Variants in TLL2 observed in about 807,000 individuals in gnomAD.
The protein encoded by TLL2 is tolloid like 2, also known as tolloid-like protein 2.
In TLL2, 106 loss-of-function variants were observed where a neutral mutation model predicts 123.0. The observed-to-expected ratio is 0.86, with a 90% CI of 0.74 to 1.01. The LOEUF is 1.01. Among genes scored for constraint, TLL2 ranks in the 50% least tolerant of loss-of-function variants. The probability of loss-of-function intolerance (pLI) is 0.00; values close to 1 mark genes in which losing one functional copy is unlikely to be tolerated. For missense variants in TLL2, 1,332 were observed against 1,336.7 expected, an observed-to-expected ratio of 1.00 and a Z score of 0.06; for synonymous variants, 494 against 516.8, an observed-to-expected ratio of 0.96 and a Z score of 0.60.
chr10:96,450,345 A>G (rs1846945177), intron 2 of TLL2, among the ~76,000 whole-genome samples: 1 of 132,556 alleles, frequency 7.5e-6, no homozygotes. Context: ...TTTGGCTGCG[A>G]TTTGAATCAC....
intron 2 of TLL2, among the ~76,000 whole-genome samples, chr10:96,479,295 G>C (rs1221200076): frequency 5.9e-5 from 9 of 152,156 alleles, no homozygotes; most frequent in African/African-American, 1.9e-4. Flanking sequence ...TGACCTCCTG[G>C]CAATGTCAGC....
At chr10:96,492,402 T>A (rs1184850121) in intron 1 of TLL2, among the ~76,000 whole-genome samples, 1 of 152,052 alleles carries the variant, frequency 6.6e-6, no homozygotes, top group Non-Finnish European at 1.5e-5. Context: ...GGTGGGTGGG[T>A]CACCTGAGGT....
At chr10:96,451,067 T>C (rs1846954403) in intron 2 of TLL2, among the ~76,000 whole-genome samples, 1 of 152,180 alleles carries the variant, frequency 6.6e-6, no homozygotes, top group South Asian at 2.1e-4. Flanking sequence ...AAGCTCTCAC[T>C]GAAACACAGC....
intron 20 of TLL2, among the ~76,000 whole-genome samples, chr10:96,369,715 C>T (rs1324768369): frequency 6.7e-6 from 1 of 148,240 alleles, no homozygotes; most frequent in Non-Finnish European, 1.5e-5. Flanking sequence ...GAGCCGAGAT[C>T]CAGCCTGGGC....
intron 10 of TLL2, among the ~76,000 whole-genome samples, chr10:96,400,357 C>CAAAAAAAAAAAAAAAA (rs55975748): frequency 9.1e-6 from 1 of 109,894 alleles, no homozygotes; most frequent in African/African-American, 3.5e-5. Flanking sequence ...CTACTACCAT[C>CAAAAAAAAAAAAAAAA]AAAAAAAAAA....
chr10:96,481,469 C>A (rs910493211), intron 1 of TLL2, among the ~76,000 whole-genome samples: 2 of 152,190 alleles, frequency 1.3e-5, no homozygotes, highest in African/African-American at 4.8e-5. Flanking sequence ...AGCACAGTCT[C>A]TTTATCCTCA....
In TLL2 at chr10:96,384,673, A is replaced by C. The variant is rs753228735; in HGVS notation, c.2108T>G (p.Ile703Ser). 21 of 1,612,930 alleles carry C rather than the reference A, an allele frequency of 1.3e-5. No homozygotes were observed. The highest frequency in any genetic ancestry group is 5.0e-5 in the Admixed American group (3 of 59,908). Reference sequence around the variant, plus strand: ...GCGCATGTTGTTGCTCTGCGAGGTGATGACCTCCGGCGTCTCAGAGCCGCA... The same window carrying C: ...GCGCATGTTGTTGCTCTGCGAGGTGCTGACCTCCGGCGTCTCAGAGCCGCA... ...RFCGSETPEVITSQSNNMRVE... is the reference protein window; with the variant it reads ...RFCGSETPEVSTSQSNNMRVE... Residue 703 changes from isoleucine (I) to serine (S), a missense_variant, in exon 16 of 21, where the codon ATC becomes AGC. Physicochemically the swap from Ile to Ser is moderately radical, Grantham distance 142. Transcript: ENST00000357947.
At chr10:96,395,160 A>C in intron 13 of TLL2, 27 bp downstream of exon 13, 1 of 1,572,560 alleles carries the variant, frequency 6.4e-7, no homozygotes, top group Non-Finnish European at 8.6e-7. Flanking sequence ...TTGTGCCTAA[A>C]AGTGGAAACA....
chr10:96,456,282 C>T (rs1298072090), intron 2 of TLL2, among the ~76,000 whole-genome samples: 1 of 152,216 alleles, frequency 6.6e-6, no homozygotes, highest in Non-Finnish European at 1.5e-5. Flanking sequence ...AGGTCACCTT[C>T]ACAAGGAGAT....
intron 10 of TLL2, among the ~76,000 whole-genome samples, chr10:96,401,594 A>C (rs1846396606): frequency 6.6e-6 from 1 of 152,098 alleles, no homozygotes; most frequent in Non-Finnish European, 1.5e-5. Context: ...AAAACAAAAC[A>C]AAACAAAAAC....
chr10:96,426,240 C>T (rs781432544), intron 5 of TLL2, among the ~76,000 whole-genome samples: 6 of 152,128 alleles, frequency 3.9e-5, no homozygotes, highest in East Asian at 3.8e-4. Context: ...GCAGTCTCCT[C>T]TTCTTTTCTT....
chr10:96,420,696 T>G (rs1846610737), intron 7 of TLL2, among the ~76,000 whole-genome samples: 1 of 152,234 alleles, frequency 6.6e-6, no homozygotes, highest in Admixed American at 6.5e-5. Context: ...AACCTCTCGA[T>G]AATTTCCCTT....
At chr10:96,466,250 T>C (rs1013124526) in intron 2 of TLL2, among the ~76,000 whole-genome samples, 20 of 152,186 alleles carry the variant, frequency 1.3e-4, no homozygotes, top group African/African-American at 4.8e-4. Flanking sequence ...TCCTCAGTGT[T>C]TGTGGGCAAA....
At chr10:96,439,460 G>A (rs1355164478) in intron 3 of TLL2, among the ~76,000 whole-genome samples, 1 of 151,922 alleles carries the variant, frequency 6.6e-6, no homozygotes, top group Non-Finnish European at 1.5e-5. Context: ...TATGCCCCTT[G>A]GCTGAATTCT....
At position 96,406,820 on chromosome 10, in the gene TLL2, T is replaced by C. The variant is rs970595328; in HGVS notation, c.1165-1486A>G. Among the ~76,000 whole-genome samples the C allele has an allele frequency of 3.3e-5, 5 of 152,312 alleles. No individual in the cohort carries two copies. In the East Asian group the frequency reaches 9.6e-4, roughly 29 times the overall value. Reference sequence around the variant, plus strand: ...ACTGTAGGAGATGCCATTGCCCCGATGGTCAAGGAGCCAAGCTTTGGTATT... The same window carrying C: ...ACTGTAGGAGATGCCATTGCCCCGACGGTCAAGGAGCCAAGCTTTGGTATT... On this transcript the variant is annotated intron_variant, in intron 9 of 20. Coordinates refer to ENST00000357947, the MANE Select transcript of TLL2 (RefSeq NM_012465.4).
At chr10:96,389,373 T>C (rs1483304783) in intron 13 of TLL2, among the ~76,000 whole-genome samples, 2 of 151,816 alleles carry the variant, frequency 1.3e-5, no homozygotes, top group African/African-American at 4.8e-5. Context: ...TTCCAGTGAG[T>C]AGAGAGGCAC....
intron 1 of TLL2, among the ~76,000 whole-genome samples, chr10:96,492,940 C>T (rs1402421709): frequency 6.6e-6 from 1 of 152,180 alleles, no homozygotes; most frequent in Non-Finnish European, 1.5e-5. Context: ...TCACTGGGTC[C>T]AACACTCTAT....
intron 9 of TLL2, 35 bp from the exon 10 acceptor site, chr10:96,405,369 C>A: frequency 1.9e-6 from 3 of 1,604,882 alleles, no homozygotes; most frequent in Non-Finnish European, 2.6e-6. Flanking sequence ...GTTTTGGCAG[C>A]AAAGCCTGAG....
intron 2 of TLL2, among the ~76,000 whole-genome samples, chr10:96,450,778 T>C (rs1315996084): frequency 6.6e-6 from 1 of 152,080 alleles, no homozygotes; most frequent in Non-Finnish European, 1.5e-5. Context: ...AGACAAAGAC[T>C]GAGGGCTGGG....
Sources: gnomAD v4.1 joint callset for allele counts (sites outside exome capture counted in the v4.1 genomes callset) on GRCh38, gnomAD v4.1.1 for gene constraint, MANE v1.5 for transcripts, NCBI Gene and HGNC (gene_info 2026-07-23, HGNC 2026-07-21) for gene names.